FNBP1L: variants seen among roughly 807,000 people sequenced by gnomAD.
FNBP1L encodes formin-binding protein 1-like.
Under a neutral mutation model 91.2 loss-of-function variants are expected in FNBP1L, and 36 were observed. That is an observed-to-expected ratio of 0.39 (90% CI 0.30 to 0.52). FNBP1L has a LOEUF of 0.52. FNBP1L is among the 20% of genes least tolerant of loss of function. The probability of loss-of-function intolerance (pLI) is 0.66; values close to 1 mark genes in which losing one functional copy is unlikely to be tolerated. For missense variants in FNBP1L, 571 were observed against 732.1 expected, an observed-to-expected ratio of 0.78 and a Z score of 2.54; for synonymous variants, 242 against 237.0, an observed-to-expected ratio of 1.02 and a Z score of -0.19.
At chr1:93,532,861 A>T (rs1671728218) in intron 7 of FNBP1L, 61 bp from the exon 8 acceptor site, 4 of 1,268,912 alleles carry the variant, frequency 3.2e-6, no homozygotes, top group Non-Finnish European at 4.3e-6. Context: ...CACTAATTGA[A>T]CTCCTTTAGA....
In FNBP1L at chr1:93,478,011, A is replaced by C. The variant is rs555032250; in HGVS notation, c.25-21457A>C. On this transcript the variant is annotated intron_variant, in intron 1 of 16. Coordinates refer to ENST00000271234, the MANE Select transcript of FNBP1L (RefSeq NM_001164473.3). ...AAATGTCTGGAACACACACAGATTC[A>C]CTTTGGTTGTAGAATAAGCAAACTG... 2.8e-3 allele frequency among the ~76,000 whole-genome samples: 428 copies of C among 152,332 alleles called. 1 individual carries two copies. The highest frequency in any genetic ancestry group is 4.9e-3 in the Non-Finnish European group (332 of 68,022).
intron 1 of FNBP1L, among the ~76,000 whole-genome samples, chr1:93,459,613 A>G (rs569515505): frequency 3.9e-5 from 6 of 152,248 alleles, no homozygotes; most frequent in Non-Finnish European, 5.9e-5. Flanking sequence ...ACCCTTGTAC[A>G]TTGTTGATGG....
At chr1:93,552,293 T>C in intron 16 of FNBP1L, 116 bp from the exon 17 acceptor site, 1 of 1,480,372 alleles carries the variant, frequency 6.8e-7, no homozygotes, top group Non-Finnish European at 9.0e-7. Flanking sequence ...GTGTTTTCGG[T>C]AGCTGACTAT....
chr1:93,454,566 T>C (rs2101681937), intron 1 of FNBP1L, among the ~76,000 whole-genome samples: 1 of 152,304 alleles, frequency 6.6e-6, no homozygotes, highest in East Asian at 1.9e-4. Flanking sequence ...CCTTTAATAA[T>C]ATGTTACTAA....
intron 1 of FNBP1L, among the ~76,000 whole-genome samples, chr1:93,481,243 C>CT (rs1176092124): frequency 2.6e-5 from 4 of 152,004 alleles, no homozygotes; most frequent in Admixed American, 6.6e-5. Flanking sequence ...ATGTGTGCTC[C>CT]TTTTTTTTCC....
chr1:93,506,140 A>G (rs1570813808), intron 2 of FNBP1L, among the ~76,000 whole-genome samples: 1 of 152,168 alleles, frequency 6.6e-6, no homozygotes, highest in Non-Finnish European at 1.5e-5. Context: ...TTAATTTTTT[A>G]TTGAGTTCAA....
chr1:93,550,962 C>G lies in FNBP1L; in HGVS notation c.1667C>G (p.Thr556Ser). The G allele has an allele frequency of 6.3e-7, 1 of 1,592,530 alleles. No individual in the cohort carries two copies. Among genetic ancestry groups the G allele is most frequent in the Non-Finnish European group, 8.6e-7 (1 of 1,169,056 alleles). ...IYPFDGHNEG[T>S]LAMKEGEVLY... ...TCTCATCTAGGACATAATGAAGGTA[C>G]TCTAGCAATGAAAGAAGGTGAAGTT... Residue 556 changes from threonine (T) to serine (S), a missense_variant, in exon 16 of 17, where the codon ACT becomes AGT. Physicochemically the swap from Thr to Ser is moderately conservative, Grantham distance 58. Transcript: ENST00000271234.
At chr1:93,534,184 A>G (rs1027700027) in intron 8 of FNBP1L, among the ~76,000 whole-genome samples, 12 of 152,168 alleles carry the variant, frequency 7.9e-5, no homozygotes, top group Non-Finnish European at 1.3e-4. Context: ...AACATTCCAC[A>G]GTATATATTT....
intron 5 of FNBP1L, among the ~76,000 whole-genome samples, chr1:93,527,186 A>G (rs1220880933): frequency 6.6e-6 from 1 of 152,230 alleles, no homozygotes; most frequent in Non-Finnish European, 1.5e-5. Context: ...TTACAAACTG[A>G]ACTACGAAAC....
chr1:93,533,998 G>A (rs1354822404), intron 8 of FNBP1L, among the ~76,000 whole-genome samples: 1 of 152,124 alleles, frequency 6.6e-6, no homozygotes, highest in Non-Finnish European at 1.5e-5. Context: ...GGAGGAATTT[G>A]TAGAGATACT....
chr1:93,534,289 A>G (rs1055366920), intron 8 of FNBP1L, among the ~76,000 whole-genome samples: 3 of 152,120 alleles, frequency 2.0e-5, no homozygotes, highest in African/African-American at 7.2e-5. Context: ...TCCTCATTCC[A>G]AAGATTAGCT....
chr1:93,453,529 A>G (rs2101681016), intron 1 of FNBP1L, among the ~76,000 whole-genome samples: 1 of 152,324 alleles, frequency 6.6e-6, no homozygotes, highest in Admixed American at 6.5e-5. Flanking sequence ...GCTAGTTTGT[A>G]GAGAGGAAAT....
At chr1:93,528,592 G>A (rs1019784313) in intron 5 of FNBP1L, among the ~76,000 whole-genome samples, 8 of 152,088 alleles carry the variant, frequency 5.3e-5, no homozygotes, top group African/African-American at 1.4e-4. Flanking sequence ...AATCAAGAAC[G>A]GAGAAAGCAT....
chr1:93,514,043 C>T (rs1216809615), intron 2 of FNBP1L, among the ~76,000 whole-genome samples: 1 of 151,974 alleles, frequency 6.6e-6, no homozygotes, highest in Non-Finnish European at 1.5e-5. Flanking sequence ...CCCAAAATCT[C>T]CTTAAGCTGA....
At chr1:93,492,656 G>A (rs113547521) in intron 1 of FNBP1L, among the ~76,000 whole-genome samples, 4 of 152,056 alleles carry the variant, frequency 2.6e-5, no homozygotes, top group African/African-American at 9.6e-5. Flanking sequence ...GAGACCAGAC[G>A]GAGCAACAAA....
chr1:93,550,741 G>C (rs1239119749), intron 15 of FNBP1L, among the ~76,000 whole-genome samples: 2 of 152,148 alleles, frequency 1.3e-5, no homozygotes, highest in Non-Finnish European at 2.9e-5. Flanking sequence ...CCAGCCCTGC[G>C]GGCTTATTAT....
intron 12 of FNBP1L, 145 bp downstream of exon 12, chr1:93,544,361 A>C (rs572183503): frequency 7.1e-5 from 33 of 466,084 alleles, no homozygotes; most frequent in African/African-American, 5.7e-4. Flanking sequence ...CTACCCTGGA[A>C]ATTTTTATGG....
chr1:93,539,634 C>T (rs957253766), intron 10 of FNBP1L, among the ~76,000 whole-genome samples: 1 of 152,018 alleles, frequency 6.6e-6, no homozygotes, highest in Non-Finnish European at 1.5e-5. Context: ...AAAGATAAGT[C>T]AAATTCATAT....
In FNBP1L at chr1:93,529,676, T is replaced by C; in HGVS notation, c.430T>C (p.Cys144Arg). 1 of 1,509,020 alleles carries C rather than the reference T, an allele frequency of 6.6e-7. No individual in the cohort carries two copies. Among genetic ancestry groups the C allele is most frequent in the Non-Finnish European group, 8.8e-7 (1 of 1,133,088 alleles). The allele number at this position is 1,509,020 out of a possible 1,614,324, so 93.5% of individuals were successfully genotyped here. A position where few individuals can be genotyped will look rare whatever the true frequency, so the allele number is the denominator to read the frequency against. ...DNSKKKFERE[C>R]REAEKAQQSY... is the part of the protein sequence containing the mutation. The stretch of plus-strand genomic sequence containing the variant: ...GAGTAAAAAGAAGTTTGAAAGAGAA[T>C]GTAGAGAGGCAGAAAAGGCACAACA... The change falls in exon 6 of 17, where the codon TGT becomes CGT. Residue 144 changes from cysteine (C) to arginine (R), a missense_variant. Physicochemically the swap from Cys to Arg is radical, Grantham distance 180 (BLOSUM62 -3). This residue lies in a region of FNBP1L where 220 missense variants were observed against 313.6 expected (regional missense o/e 0.70). Coordinates refer to ENST00000271234, the MANE Select transcript of FNBP1L (RefSeq NM_001164473.3).
Sources: gnomAD v4.1 joint callset for allele counts (sites outside exome capture counted in the v4.1 genomes callset) on GRCh38, gnomAD v4.1.1 for gene constraint, gnomAD v4.1.1 regional missense constraint, MANE v1.5 for transcripts, NCBI Gene and HGNC (gene_info 2026-07-23, HGNC 2026-07-21) for gene names.